The following MACROD2 variants were observed in gnomAD, a reference collection of about 807,000 sequenced individuals.
MACROD2 encodes ADP-ribose glycohydrolase MACROD2.
MACROD2 carries 36 observed loss-of-function variants against 70.4 expected under a neutral mutation model. The observed-to-expected ratio is 0.51, with a 90% CI of 0.39 to 0.68. The LOEUF is 0.68. MACROD2 is among the 30% of genes least tolerant of loss of function. The probability of loss-of-function intolerance (pLI) is 0.00; values close to 1 mark genes in which losing one functional copy is unlikely to be tolerated. For synonymous variants in MACROD2, 172 were observed against 178.8 expected (o/e 0.96, Z 0.30); for missense variants, 496 against 538.4 (o/e 0.92, Z 0.78).
At chr20:14,583,136 A>G (rs896495031) in intron 4 of MACROD2, among the ~76,000 whole-genome samples, 2 of 152,160 alleles carry the variant, frequency 1.3e-5, no homozygotes, top group Non-Finnish European at 2.9e-5. Context: ...TAACTTGAGA[A>G]ACAGCTGCAG....
rs554512743 is a variant in MACROD2, at chr20:15,164,207, A to G, written c.419-65733A>G. 5.9e-5 allele frequency among the ~76,000 whole-genome samples: 9 copies of G among 152,328 alleles called. No individual in the cohort carries two copies. The South Asian group carries it at 1.9e-3, about 32-fold the overall frequency. On this transcript the variant is annotated intron_variant, in intron 5 of 17. Transcript: ENST00000684519. ...AAAATAAAACAAAAGTTACAATAAG[A>G]AATAATTCAAATAAAAATACAGCAT... is the stretch of plus-strand genomic sequence containing the variant.
intron 5 of MACROD2, among the ~76,000 whole-genome samples, chr20:15,119,222 T>G (rs1235841975): frequency 1.3e-5 from 2 of 152,228 alleles, no homozygotes. Flanking sequence ...CTTCGTAAGT[T>G]TTGCCTATCT....
At chr20:15,462,189 T>C (rs2046828731) in intron 7 of MACROD2, among the ~76,000 whole-genome samples, 2 of 152,294 alleles carry the variant, frequency 1.3e-5, no homozygotes, top group Non-Finnish European at 1.5e-5. Flanking sequence ...TAGAAACCAT[T>C]TACATGAAGT....
chr20:14,816,379 A>T (rs1004989628), intron 5 of MACROD2, among the ~76,000 whole-genome samples: 1 of 152,046 alleles, frequency 6.6e-6, no homozygotes, highest in East Asian at 1.9e-4. Flanking sequence ...TTAAGGATAA[A>T]TTAGTGTAGT....
rs1276850888 is a variant in MACROD2, at chr20:14,688,583, A to G, written c.418+3624A>G. On this transcript the variant is annotated intron_variant, in intron 5 of 17. Coordinates refer to ENST00000684519, the MANE Select transcript of MACROD2 (RefSeq NM_001351661.2). ...TTCATTGAAGGCTATTGCTAAGGAA[A>G]TGACTTAGAAAGTAGATGGAGGATT... Among the ~76,000 whole-genome samples the G allele has an allele frequency of 2.0e-5, 3 of 152,272 alleles. No homozygotes were observed. The East Asian group carries it at 5.8e-4, about 29-fold the overall frequency.
chr20:15,931,996 G>A (rs753951594), intron 10 of MACROD2, among the ~76,000 whole-genome samples: 4 of 152,104 alleles, frequency 2.6e-5, no homozygotes, highest in African/African-American at 7.2e-5. Context: ...GAGATGGCGG[G>A]TCAAAGCACT....
At chr20:15,101,679 A>G (rs2075874334) in intron 5 of MACROD2, among the ~76,000 whole-genome samples, 1 of 151,876 alleles carries the variant, frequency 6.6e-6, no homozygotes. Flanking sequence ...GCATGAGGCT[A>G]TTTTTATTTT....
At chr20:14,101,018 G>A (rs949651719) in intron 3 of MACROD2, among the ~76,000 whole-genome samples, 9 of 150,714 alleles carry the variant, frequency 6.0e-5, no homozygotes, top group Non-Finnish European at 1.3e-4. Context: ...ATATTTGTCA[G>A]TACAATTTTT....
intron 4 of MACROD2, among the ~76,000 whole-genome samples, chr20:14,623,458 T>C (rs1188495505): frequency 6.6e-6 from 1 of 152,076 alleles, no homozygotes; most frequent in African/African-American, 2.4e-5. Context: ...CTTTGGGAGA[T>C]GGTGTTAACA....
intron 5 of MACROD2, among the ~76,000 whole-genome samples, chr20:15,178,729 C>T (rs982650250): frequency 6.6e-6 from 1 of 152,200 alleles, no homozygotes; most frequent in Non-Finnish European, 1.5e-5. Context: ...GGAAAATGTG[C>T]ATGGCAGAAT....
chr20:14,771,737 T>TACAC (rs11472593), intron 5 of MACROD2, among the ~76,000 whole-genome samples: 14,876 of 145,544 alleles, frequency 0.1, 918 homozygotes, highest in East Asian at 0.27. Flanking sequence ...ATACTTATCC[T>TACAC]ACACACACAC....
At chr20:15,901,596 T>C (rs2065065454) in intron 10 of MACROD2, among the ~76,000 whole-genome samples, 1 of 152,190 alleles carries the variant, frequency 6.6e-6, no homozygotes, top group African/African-American at 2.4e-5. Flanking sequence ...GCAAGTTAGG[T>C]GTATTAAATG....
At chr20:15,138,129 A>G (rs1222935984) in intron 5 of MACROD2, among the ~76,000 whole-genome samples, 2 of 152,142 alleles carry the variant, frequency 1.3e-5, no homozygotes, top group African/African-American at 4.8e-5. Context: ...ATCAATTTTA[A>G]TACTTCTGTA....
intron 5 of MACROD2, among the ~76,000 whole-genome samples, chr20:15,220,859 G>A (rs2076854406): frequency 6.6e-6 from 1 of 152,208 alleles, no homozygotes. Flanking sequence ...ATTGCCCTAT[G>A]CACTGGCACA....
intron 3 of MACROD2, among the ~76,000 whole-genome samples, chr20:14,277,246 A>T (rs1253612714): frequency 6.6e-6 from 1 of 152,094 alleles, no homozygotes; most frequent in African/African-American, 2.4e-5. Flanking sequence ...TCAGGAGAGT[A>T]AGACCATCCT....
At chr20:15,913,499 G>C (rs992687541) in intron 10 of MACROD2, among the ~76,000 whole-genome samples, 1 of 152,144 alleles carries the variant, frequency 6.6e-6, no homozygotes, top group Non-Finnish European at 1.5e-5. Context: ...CCAGCCCAAA[G>C]AATCATAAGC....
intron 3 of MACROD2, among the ~76,000 whole-genome samples, chr20:14,278,472 A>T (rs1446786343): frequency 6.6e-6 from 1 of 152,142 alleles, no homozygotes. Context: ...AAACGACACT[A>T]CTTGAGTACT....
chr20:14,544,231 CTTT>C (rs11318084), intron 4 of MACROD2, among the ~76,000 whole-genome samples: 1 of 143,828 alleles, frequency 7.0e-6, no homozygotes, highest in African/African-American at 2.5e-5. Context: ...ATGATTCCTT[CTTT>C]TTTTTTTTTT....
Position 14,727,585 on chromosome 20 carries a change from C to T in MACROD2, c.418+42626C>T, listed in dbSNP as rs770749826. 8.5e-4 allele frequency among the ~76,000 whole-genome samples: 129 copies of T among 152,218 alleles called. 1 individual carries two copies. The highest frequency in any genetic ancestry group is 6.8e-3 in the Middle Eastern group (2 of 294). On this transcript the variant is annotated intron_variant, in intron 5 of 17. Transcript: ENST00000684519. ...AGAAGAAACAAAGTAGTTACTTTAT[C>T]ACTCCCCAAATGTAATTTATCAACT... is the stretch of plus-strand genomic sequence containing the variant.
Sources: allele counts gnomAD v4.1 joint callset (sites outside exome capture counted in the v4.1 genomes callset), GRCh38; gene constraint gnomAD v4.1.1; transcripts MANE v1.5; gene names NCBI Gene and HGNC (gene_info 2026-07-23, HGNC 2026-07-21).